PEPD: variants seen among roughly 807,000 people sequenced by gnomAD.
PEPD encodes the protein xaa-Pro dipeptidase.
A neutral mutation model predicts 60.7 loss-of-function variants in PEPD; 53 were observed. The ratio of observed to expected loss-of-function variants is 0.87; its 90% confidence interval spans 0.70 to 1.10. The LOEUF (loss-of-function observed/expected upper bound fraction) is 1.10, where lower values mean the gene tolerates loss of function less well. Ranked by LOEUF, PEPD falls within the 50% of genes least tolerant of loss-of-function variation. PEPD has a pLI of 0.00. For synonymous variants in PEPD, 267 were observed against 284.1 expected (o/e 0.94, Z 0.60); for missense variants, 711 against 711.9 (o/e 1.00, Z 0.01).
chr19:33,513,537 C>T (rs566447785), intron 1 of PEPD, among the ~76,000 whole-genome samples: 220 of 152,300 alleles, frequency 1.4e-3, no homozygotes, highest in Non-Finnish European at 2.6e-3. Flanking sequence ...CCAGGGCCAC[C>T]TCCCCATGTC....
At chr19:33,493,181 C>T (rs1224776730) in intron 5 of PEPD, 109 bp downstream of exon 5, 1 of 801,924 alleles carries the variant, frequency 1.2e-6, no homozygotes, top group Non-Finnish European at 2.2e-6. Context: ...CAACCCCTCT[C>T]CGTTTTTTAA....
chr19:33,508,500 G>A (rs1429072194), intron 3 of PEPD, among the ~76,000 whole-genome samples: 2 of 152,228 alleles, frequency 1.3e-5, no homozygotes, highest in Non-Finnish European at 1.5e-5. Context: ...TCTGAAGGTC[G>A]GGAATTTGGA....
chr19:33,407,238 T>G (rs117105164), intron 11 of PEPD, among the ~76,000 whole-genome samples: 2 of 152,166 alleles, frequency 1.3e-5, no homozygotes, highest in African/African-American at 4.8e-5. Context: ...CTCTGCCCTG[T>G]GGGGTGAGCC....
chr19:33,458,863 C>T lies in PEPD; in HGVS notation c.671+4132G>A, dbSNP rs112710254. 3.5e-3 allele frequency among the ~76,000 whole-genome samples: 88 copies of T among 24,810 alleles called. 1 individual carries two copies. Among genetic ancestry groups the T allele is most frequent in the Admixed American group, 0.026 (46 of 1,768 alleles). 16.3% of individuals were successfully genotyped at this position (24,810 alleles called of 152,430 possible). A position where few individuals can be genotyped will look rare whatever the true frequency, so the allele number is the denominator to read the frequency against. ...GTGGTATGTGGTGTGTATGGTGTGG[C>T]GTGTGTGTCATGTGTGTGGCATCTG... On this transcript the variant is annotated intron_variant, in intron 9 of 14. Coordinates refer to ENST00000244137, the MANE Select transcript of PEPD (RefSeq NM_000285.4).
chr19:33,407,727 G>A (rs1483941285), intron 11 of PEPD, among the ~76,000 whole-genome samples: 1 of 152,228 alleles, frequency 6.6e-6, no homozygotes, highest in Non-Finnish European at 1.5e-5. Context: ...TGGGGTTCAT[G>A]GCGAACCCCA....
At position 33,411,761 on chromosome 19, in the gene PEPD, CG is replaced by C; in HGVS notation, c.741-13del. The C allele has an allele frequency of 1.9e-6, 3 of 1,568,612 alleles. No individual in the cohort carries two copies. The highest frequency in any genetic ancestry group is 2.6e-6 in the Non-Finnish European group (3 of 1,140,138). On this transcript the variant is annotated splice_polypyrimidine_tract_variant and intron_variant, in intron 10 of 14. Transcript: ENST00000244137. Reference sequence around the variant, plus strand: ...CTGAGTTCTCACCACTGCAAAGAGCCGGGGGAGGGTGATCAAAGCCCATTCT... The same window carrying C: ...CTGAGTTCTCACCACTGCAAAGAGCCGGGGAGGGTGATCAAAGCCCATTCT...
chr19:33,432,010 A>AAAAAAAAAAAAAAAAAAAAAG (rs1031542443), intron 9 of PEPD, among the ~76,000 whole-genome samples: 66 of 147,572 alleles, frequency 4.5e-4, no homozygotes, highest in African/African-American at 1.6e-3. Flanking sequence ...AAAAAAAAAA[A>AAAAAAAAAAAAAAAAAAAAAG]GGGAAGATTA....
chr19:33,413,447 C>T (rs1486544767), intron 10 of PEPD, 128 bp downstream of exon 10: 36 of 663,618 alleles, frequency 5.4e-5, no homozygotes, highest in Non-Finnish European at 8.3e-5. Flanking sequence ...AAGCTTGGGC[C>T]GGGCGCTGGT....
intron 9 of PEPD, among the ~76,000 whole-genome samples, chr19:33,455,169 T>G (rs1419429288): frequency 6.6e-6 from 1 of 152,178 alleles, no homozygotes; most frequent in East Asian, 1.9e-4. Flanking sequence ...AAGATAATAA[T>G]TAAGTATCAA....
At chr19:33,454,432 T>C (rs1407766616) in intron 9 of PEPD, among the ~76,000 whole-genome samples, 1 of 151,896 alleles carries the variant, frequency 6.6e-6, no homozygotes, top group Non-Finnish European at 1.5e-5. Context: ...CAAAACCCTG[T>C]CTCTACTAAA....
At chr19:33,476,441 G>A (rs2145294935) in intron 7 of PEPD, among the ~76,000 whole-genome samples, 1 of 152,196 alleles carries the variant, frequency 6.6e-6, no homozygotes, top group African/African-American at 2.4e-5. Context: ...AGCTATGCGG[G>A]ACAAAAACCT....
chr19:33,479,017 G>A (rs1439105384), intron 6 of PEPD, among the ~76,000 whole-genome samples: 2 of 152,072 alleles, frequency 1.3e-5, no homozygotes, highest in African/African-American at 4.8e-5. Flanking sequence ...GTATTGATAA[G>A]TACAAAATGA....
intron 9 of PEPD, among the ~76,000 whole-genome samples, chr19:33,432,156 C>T (rs972766482): frequency 6.6e-6 from 1 of 152,124 alleles, no homozygotes; most frequent in Admixed American, 6.5e-5. Flanking sequence ...TCCACTGCAC[C>T]GGCAGGTTTG....
intron 7 of PEPD, among the ~76,000 whole-genome samples, chr19:33,475,483 T>G (rs1970198618): frequency 6.6e-6 from 1 of 151,516 alleles, no homozygotes; most frequent in African/African-American, 2.4e-5. Flanking sequence ...AATGTGACAT[T>G]TCTAAAATGG....
At chr19:33,495,355 G>A (rs973689742) in intron 4 of PEPD, among the ~76,000 whole-genome samples, 8 of 150,456 alleles carry the variant, frequency 5.3e-5, no homozygotes, top group Non-Finnish European at 7.4e-5. Context: ...AAAATTAGCC[G>A]GGTGTGGTGG....
In PEPD at chr19:33,411,653, G is replaced by A; in HGVS notation, c.818+19C>T. 6.7e-7 allele frequency: 1 copy of A among 1,481,724 alleles called. No homozygotes were observed. The highest frequency in any genetic ancestry group is 9.4e-7 in the Non-Finnish European group (1 of 1,060,468). 91.8% of individuals were successfully genotyped at this position (1,481,724 alleles called of 1,614,324 possible). Reference sequence around the variant, plus strand: ...CCTGGCTGTTCACACACAGAGCCAGGGCCGCTGGCCCTACTTACCACATAT... The same window carrying A: ...CCTGGCTGTTCACACACAGAGCCAGAGCCGCTGGCCCTACTTACCACATAT... On this transcript the variant is annotated intron_variant, in intron 11 of 14. Transcript: ENST00000244137.
intron 7 of PEPD, among the ~76,000 whole-genome samples, chr19:33,474,946 C>T (rs1970189127): frequency 2.0e-5 from 3 of 150,968 alleles, no homozygotes; most frequent in Admixed American, 2.0e-4. Context: ...TGCCACTGTA[C>T]TCCAGCCTGA....
chr19:33,429,155 G>A (rs983436416), intron 9 of PEPD, among the ~76,000 whole-genome samples: 1 of 152,182 alleles, frequency 6.6e-6, no homozygotes, highest in African/African-American at 2.4e-5. Context: ...TCTCAGAGGG[G>A]GCAGAGTTGG....
chr19:33,413,757 C>G, intron 9 of PEPD, 114 bp from the exon 10 acceptor site: 2 of 697,812 alleles, frequency 2.9e-6, no homozygotes, highest in Admixed American at 2.0e-5. Flanking sequence ...CTGCCGTGGC[C>G]CCACAATGGT....
Sources: allele counts gnomAD v4.1 joint callset (sites outside exome capture counted in the v4.1 genomes callset), GRCh38; gene constraint gnomAD v4.1.1; transcripts MANE v1.5; gene names NCBI Gene and HGNC (gene_info 2026-07-23, HGNC 2026-07-21).